Variants in MYOM2 observed in about 807,000 individuals in gnomAD.
MYOM2 encodes the protein myomesin-2.
MYOM2 carries 254 observed loss-of-function variants against 187.6 expected under a neutral mutation model. The observed-to-expected ratio is 1.35, with a 90% CI of 1.22 to 1.50. The LOEUF (loss-of-function observed/expected upper bound fraction) is 1.50, where lower values mean the gene tolerates loss of function less well. MYOM2 is among the 40% of genes most tolerant of loss of function. The pLI is 0.00. For synonymous variants in MYOM2, 981 were observed against 753.8 expected, an observed-to-expected ratio of 1.30 and a Z score of -4.94; for missense variants, 2,796 against 1,924.0, an observed-to-expected ratio of 1.45 and a Z score of -8.48.
At chr8:2,064,871 A>G (rs1275632026) in intron 6 of MYOM2, among the ~76,000 whole-genome samples, 2 of 152,144 alleles carry the variant, frequency 1.3e-5, no homozygotes, top group Non-Finnish European at 2.9e-5. Flanking sequence ...CCTCCCAGCT[A>G]TCCCCTGCCC....
At position 2,084,588 on chromosome 8, in the gene MYOM2, A is replaced by T. The variant is rs544787653; in HGVS notation, c.1517-675A>T. Among the ~76,000 whole-genome samples the T allele has an allele frequency of 1.2e-3, 178 of 152,254 alleles. 1 individual carries two copies. The highest frequency in any genetic ancestry group is 2.1e-3 in the Non-Finnish European group (143 of 68,014). On this transcript the variant is annotated intron_variant, in intron 13 of 36. Transcript: ENST00000262113. Reference sequence around the variant, plus strand: ...TATAAATTCAAACAGAAATCCCCACACCTCATAGTATATTTAAAAAAGATG... The same window carrying T: ...TATAAATTCAAACAGAAATCCCCACTCCTCATAGTATATTTAAAAAAGATG...
rs567038328 is a variant in MYOM2, at chr8:2,138,288, G to C, written c.3801-2435G>C. Among the ~76,000 whole-genome samples, 12 of 152,320 alleles carry C rather than the reference G, an allele frequency of 7.9e-5. 1 individual carries two copies. In the South Asian group the frequency reaches 2.1e-3, roughly 26 times the overall value. ...CTGGCTGCTGAGTGCTGGGGCCTGG[G>C]GTCATGGCCTCATCGCTTCTGCTTC... On this transcript the variant is annotated intron_variant, in intron 32 of 36. Coordinates refer to ENST00000262113, the MANE Select transcript of MYOM2 (RefSeq NM_003970.4).
rs143424454 is a variant in MYOM2 at position 2,085,350 on chromosome 8, C to A, written c.1604C>A (p.Thr535Asn). ...GTCGTCCTCAGCTGGGAGCCACCCA[C>A]TCCCCGTGGCAAGGACCCGCTCATG... is the stretch of plus-strand genomic sequence containing the variant. ...NYVVLSWEPPTPRGKDPLMYF... is the reference protein window; with the variant it reads ...NYVVLSWEPPNPRGKDPLMYF... The change falls in exon 14 of 37, where the codon ACT becomes AAT. Residue 535 changes from threonine (T) to asparagine (N), a missense_variant. Thr to Asn is a moderately conservative substitution (Grantham distance 65). Transcript: ENST00000262113. 6.2e-6 allele frequency: 10 copies of A among 1,614,048 alleles called. No homozygotes were observed. Among genetic ancestry groups the A allele is most frequent in the Non-Finnish European group, 8.5e-6 (10 of 1,179,990 alleles).
Position 2,123,284 on chromosome 8 carries a change from A to G in MYOM2, c.3486A>G (p.Lys1162=), listed in dbSNP as rs200806061. ...VANTKKETVF[K]WLKDDVLYET... ...ACACCAAGAAAGAAACCGTTTTCAA[A>G]TGGCTCAAGGATGATGTTCTGTATG... Residue 1162 remains lysine (K), a synonymous_variant, in exon 29 of 37, where the codon AAA becomes AAG. Transcript: ENST00000262113. The G allele has an allele frequency of 6.2e-7, 1 of 1,613,138 alleles. No individual in the cohort carries two copies. The highest frequency in any genetic ancestry group is 8.5e-7 in the Non-Finnish European group (1 of 1,179,778).
chr8:2,136,508 T>C (rs1003520172), intron 32 of MYOM2, among the ~76,000 whole-genome samples: 2 of 152,182 alleles, frequency 1.3e-5, no homozygotes, highest in African/African-American at 4.8e-5. Flanking sequence ...CCCCAGATTG[T>C]GTGGCTGTTG....
chr8:2,079,255 G>C (rs994026292), intron 12 of MYOM2, among the ~76,000 whole-genome samples: 3 of 151,944 alleles, frequency 2.0e-5, no homozygotes, highest in African/African-American at 7.3e-5. Flanking sequence ...CACTTAGAAG[G>C]CCATCCTATT....
intron 9 of MYOM2, among the ~76,000 whole-genome samples, chr8:2,072,992 C>T (rs925869734): frequency 2.0e-5 from 3 of 152,168 alleles, no homozygotes; most frequent in African/African-American, 7.2e-5. Flanking sequence ...CCCTGTAATC[C>T]CCCACGGGCG....
chr8:2,049,817 C>T (rs1335986546), intron 1 of MYOM2, among the ~76,000 whole-genome samples: 1 of 152,160 alleles, frequency 6.6e-6, no homozygotes, highest in Non-Finnish European at 1.5e-5. Flanking sequence ...TGAACATGTA[C>T]AGCAGATTGC....
At position 2,120,684 on chromosome 8, in the gene MYOM2, A is replaced by ATATT. The variant is rs1585941245; in HGVS notation, c.3454-2565_3454-2564insTTAT. ...TATATATATATATATATTATATTAT[A>ATATT]TATAAATATATAATATATATATTTT... On this transcript the variant is annotated intron_variant, in intron 28 of 36. Coordinates refer to ENST00000262113, the MANE Select transcript of MYOM2 (RefSeq NM_003970.4). 6.2e-4 allele frequency among the ~76,000 whole-genome samples: 24 copies of ATATT among 38,888 alleles called. 4 individuals carry two copies. Among genetic ancestry groups the ATATT allele is most frequent in the South Asian group, 1.5e-3 (3 of 1,940 alleles). The allele number at this position is 38,888 out of a possible 152,430, so 25.5% of individuals were successfully genotyped here.
chr8:2,117,818 A>AC, intron 27 of MYOM2, 67 bp from the exon 28 acceptor site: 1 of 982,820 alleles, frequency 1.0e-6, no homozygotes, highest in Non-Finnish European at 1.6e-6. Flanking sequence ...TATATATATA[A>AC]TAGCTATATA....
At chr8:2,093,070 A>C (rs1796364304) in intron 16 of MYOM2, among the ~76,000 whole-genome samples, 1 of 152,120 alleles carries the variant, frequency 6.6e-6, no homozygotes, top group Non-Finnish European at 1.5e-5. Flanking sequence ...GGGATGTCTG[A>C]GGTTATTAGG....
intron 6 of MYOM2, among the ~76,000 whole-genome samples, chr8:2,060,186 T>C (rs979884041): frequency 2.0e-5 from 3 of 152,248 alleles, no homozygotes; most frequent in Admixed American, 1.3e-4. Flanking sequence ...CACCTTCCTA[T>C]GGCTCTCATG....
At chr8:2,112,955 T>C (rs966325117) in intron 25 of MYOM2, among the ~76,000 whole-genome samples, 1 of 152,266 alleles carries the variant, frequency 6.6e-6, no homozygotes, top group South Asian at 2.1e-4. Context: ...AGGTTATTAG[T>C]TTTTTGTTTT....
Position 2,109,649 on chromosome 8 carries a change from T to A in MYOM2, c.3180+118T>A, listed in dbSNP as rs2116814082. 4 of 1,147,224 alleles carry A rather than the reference T, an allele frequency of 3.5e-6. No homozygotes were observed. The South Asian group carries it at 6.6e-5, about 19-fold the overall frequency. The allele number at this position is 1,147,224 out of a possible 1,614,324, so 71.1% of individuals were successfully genotyped here. On this transcript the variant is annotated intron_variant, in intron 25 of 36. Coordinates refer to ENST00000262113, the MANE Select transcript of MYOM2 (RefSeq NM_003970.4). ...TCCATCCTTTTCTGAGCCTTAAAGA[T>A]TGGGGCATGGAAGGTTGACAAGATG... is the stretch of plus-strand genomic sequence containing the variant.
chr8:2,116,172 A>T (rs777142132), intron 26 of MYOM2, 44 bp from the exon 27 acceptor site: 9 of 1,602,422 alleles, frequency 5.6e-6, no homozygotes, highest in African/African-American at 2.7e-5. Context: ...GACTGGAGAG[A>T]AGCAAACATG....
In MYOM2 at chr8:2,078,893, G is replaced by C. The variant is rs748627250; in HGVS notation, c.1422G>C (p.Ala474=). The change falls in exon 12 of 37, where the codon GCG becomes GCC. Residue 474 remains alanine, a synonymous_variant. Transcript: ENST00000262113. ...GCCGACCCTCCAGGGTCTCTGATGCGGTGGCTGCACTTGACCCCTTGGACC... is the reference window on the plus strand; with the variant it reads ...GCCGACCCTCCAGGGTCTCTGATGCCGTGGCTGCACTTGACCCCTTGGACC... The part of the protein sequence containing the change: ...GISRPSRVSD[A]VAALDPLDLR... The C allele has an allele frequency of 1.2e-6, 2 of 1,613,980 alleles. No individual in the cohort carries two copies. Among genetic ancestry groups the C allele is most frequent in the Non-Finnish European group, 1.7e-6 (2 of 1,179,894 alleles).
chr8:2,067,911 C>T (rs1819070546), intron 6 of MYOM2, among the ~76,000 whole-genome samples: 1 of 152,086 alleles, frequency 6.6e-6, no homozygotes, highest in Non-Finnish European at 1.5e-5. Flanking sequence ...GGGAATCCTA[C>T]TGGGGAGCTG....
In MYOM2 at chr8:2,092,477, A is replaced by T. The variant is rs535382733; in HGVS notation, c.1960A>T (p.Asn654Tyr). 6.2e-7 allele frequency: 1 copy of T among 1,613,984 alleles called. No homozygotes were observed. Among genetic ancestry groups the T allele is most frequent in the Non-Finnish European group, 8.5e-7 (1 of 1,180,014 alleles). ...CGTGGACTGCTGTGTGGCCGGAACC[A>T]ACCTCTGGGAGCCCTGCAACCACAA... The part of the protein sequence containing the change: ...YYVDCCVAGT[N>Y]LWEPCNHKPI... The change falls in exon 16 of 37, where the codon AAC (asparagine) becomes TAC (tyrosine). Residue 654 changes from asparagine (N) to tyrosine (Y), a missense_variant. Coordinates refer to ENST00000262113, the MANE Select transcript of MYOM2 (RefSeq NM_003970.4).
intron 14 of MYOM2, among the ~76,000 whole-genome samples, chr8:2,088,664 G>T (rs544086232): frequency 6.6e-6 from 1 of 152,222 alleles, no homozygotes; most frequent in Non-Finnish European, 1.5e-5. Flanking sequence ...TCTCTCTGCG[G>T]TCCACCATTG....
Sources: gnomAD v4.1 joint callset for allele counts (sites outside exome capture counted in the v4.1 genomes callset) on GRCh38, gnomAD v4.1.1 for gene constraint, MANE v1.5 for transcripts, NCBI Gene and HGNC (gene_info 2026-07-23, HGNC 2026-07-21) for gene names.